The following DTNA variants were observed in gnomAD, a reference collection of about 807,000 sequenced individuals.
The protein encoded by DTNA is dystrobrevin alpha.
A neutral mutation model predicts 100.7 loss-of-function variants in DTNA; 43 were observed. The observed-to-expected ratio is 0.43, with a 90% confidence interval of 0.33 to 0.55. The LOEUF (loss-of-function observed/expected upper bound fraction) is 0.55, where lower values mean the gene tolerates loss of function less well. Among genes scored for constraint, DTNA ranks in the 20% least tolerant of loss-of-function variants. The probability of loss-of-function intolerance (pLI) is 0.04; values close to 1 mark genes in which losing one functional copy is unlikely to be tolerated. For synonymous variants in DTNA, 349 were observed against 347.9 expected (o/e 1.00, Z -0.04); for missense variants, 798 against 953.9 (o/e 0.84, Z 2.15).
At chr18:34,646,966 G>A (rs1462524360) in intron 1 of DTNA, among the ~76,000 whole-genome samples, 1 of 151,808 alleles carries the variant, frequency 6.6e-6, no homozygotes, top group African/African-American at 2.4e-5. Flanking sequence ...CACCCACCTC[G>A]GCCTCCCAAA....
chr18:34,553,454 C>T (rs62097181), intron 1 of DTNA, among the ~76,000 whole-genome samples: 16 of 151,248 alleles, frequency 1.1e-4, no homozygotes, highest in Non-Finnish European at 1.6e-4. Context: ...AGTCCTTGCC[C>T]ATGCCTATGT....
rs185899516 is a variant in DTNA, at chr18:34,761,073, G to A, written c.68-4888G>A. 1.9e-4 allele frequency among the ~76,000 whole-genome samples: 28 copies of A among 151,236 alleles called. 1 individual carries two copies. In the East Asian group the frequency reaches 5.2e-3, roughly 28 times the overall value. ...TACCCCCAAACTCCTTTATCTTCCTGTCAGTATCTCTCTCTTTCTCTCTCT... is the reference window on the plus strand; with the variant it reads ...TACCCCCAAACTCCTTTATCTTCCTATCAGTATCTCTCTCTTTCTCTCTCT... On this transcript the variant is annotated intron_variant, in intron 2 of 22. Coordinates refer to ENST00000444659, the MANE Select transcript of DTNA (RefSeq NM_001386795.1).
intron 1 of DTNA, among the ~76,000 whole-genome samples, chr18:34,694,791 G>A (rs546687750): frequency 6.6e-6 from 1 of 152,190 alleles, no homozygotes; most frequent in South Asian, 2.1e-4. Flanking sequence ...CAGGGTAGTA[G>A]CATCCACAAA....
intron 1 of DTNA, among the ~76,000 whole-genome samples, chr18:34,669,855 T>C (rs2076497490): frequency 6.6e-6 from 1 of 152,242 alleles, no homozygotes; most frequent in Non-Finnish European, 1.5e-5. Context: ...TGGCTGCCCT[T>C]AATATTTTTT....
chr18:34,826,704 A>G (rs1200745946), intron 9 of DTNA, among the ~76,000 whole-genome samples: 6 of 152,008 alleles, frequency 3.9e-5, no homozygotes, highest in Admixed American at 2.0e-4. Flanking sequence ...GCTCCACCTC[A>G]TTTTCCATCT....
chr18:34,709,995 AG>A (rs1267435548), upstream of DTNA, among the ~76,000 whole-genome samples: 3 of 152,234 alleles, frequency 2.0e-5, no homozygotes, highest in East Asian at 5.8e-4. Context: ...GATAATGATC[AG>A]TATTTCAAAA....
intron 1 of DTNA, among the ~76,000 whole-genome samples, chr18:34,593,888 A>G (rs2050042786): frequency 6.6e-6 from 1 of 152,158 alleles, no homozygotes; most frequent in African/African-American, 2.4e-5. Flanking sequence ...GGATGAAACT[A>G]TATTATTGTG....
intron 4 of DTNA, among the ~76,000 whole-genome samples, chr18:34,805,950 A>G (rs1189644951): frequency 6.6e-6 from 1 of 152,242 alleles, no homozygotes; most frequent in Non-Finnish European, 1.5e-5. Flanking sequence ...ATCAGCCCAT[A>G]TTTTGAGCAA....
At chr18:34,645,103 C>T (rs1288517655) in intron 1 of DTNA, among the ~76,000 whole-genome samples, 2 of 152,042 alleles carry the variant, frequency 1.3e-5, no homozygotes, top group African/African-American at 4.8e-5. Flanking sequence ...GTCATTTTTT[C>T]ACTCCATAGC....
At chr18:34,808,820 C>A (rs1282285950) in intron 5 of DTNA, among the ~76,000 whole-genome samples, 1 of 152,130 alleles carries the variant, frequency 6.6e-6, no homozygotes, top group African/African-American at 2.4e-5. Flanking sequence ...GCATGTGTCC[C>A]CTTGGAGGTA....
intron 1 of DTNA, among the ~76,000 whole-genome samples, chr18:34,735,274 C>A (rs189816172): frequency 1.6e-4 from 25 of 152,212 alleles, no homozygotes; most frequent in Admixed American, 7.8e-4. Context: ...TTAGATTGTA[C>A]CTACCAGATT....
intron 1 of DTNA, among the ~76,000 whole-genome samples, chr18:34,567,374 G>T (rs2047177141): frequency 6.6e-6 from 1 of 152,046 alleles, no homozygotes. Context: ...TGAAATAAAT[G>T]ATGTTATTTA....
intron 3 of DTNA, among the ~76,000 whole-genome samples, chr18:34,785,799 G>A (rs994405108): frequency 4.6e-5 from 6 of 131,146 alleles, no homozygotes; most frequent in Non-Finnish European, 6.4e-5. Context: ...CTCCCTCTCC[G>A]ACACACATGT....
chr18:34,604,073 G>A (rs1232448472), intron 1 of DTNA, among the ~76,000 whole-genome samples: 1 of 152,110 alleles, frequency 6.6e-6, no homozygotes, highest in Admixed American at 6.6e-5. Context: ...CATTTAAAAT[G>A]AAGCAATTGT....
At chr18:34,822,671 AG>A (rs1388705101) in intron 9 of DTNA, 1 of 153,440 alleles carries the variant, frequency 6.5e-6, no homozygotes, top group Non-Finnish European at 1.5e-5. Context: ...CATGAGAGAG[AG>A]AAAGAGAGGG....
chr18:34,817,548 T>C (rs1224300864), intron 7 of DTNA, among the ~76,000 whole-genome samples: 1 of 151,944 alleles, frequency 6.6e-6, no homozygotes, highest in Non-Finnish European at 1.5e-5. Context: ...TTTGCACATC[T>C]TTTTTAGGGC....
chr18:34,873,495 T>G (rs2096785418), intron 17 of DTNA, among the ~76,000 whole-genome samples: 1 of 152,218 alleles, frequency 6.6e-6, no homozygotes, highest in African/African-American at 2.4e-5. Flanking sequence ...AGGGACTTTT[T>G]GCCAGCCATG....
chr18:34,682,147 G>A (rs1441191270), intron 1 of DTNA, among the ~76,000 whole-genome samples: 2 of 152,056 alleles, frequency 1.3e-5, no homozygotes, highest in African/African-American at 2.4e-5. Flanking sequence ...TTGTTTTAGT[G>A]TTGAATAATA....
chr18:34,643,858 A>C (rs1426255379), intron 1 of DTNA, among the ~76,000 whole-genome samples: 1 of 152,206 alleles, frequency 6.6e-6, no homozygotes, highest in East Asian at 1.9e-4. Flanking sequence ...AAATATCCAT[A>C]CATTATTAAG....
Sources: gnomAD v4.1 joint callset for allele counts (sites outside exome capture counted in the v4.1 genomes callset) on GRCh38, gnomAD v4.1.1 for gene constraint, MANE v1.5 for transcripts, NCBI Gene and HGNC (gene_info 2026-07-23, HGNC 2026-07-21) for gene names.